Variants in GPC5 observed in about 807,000 individuals in gnomAD.
The protein encoded by GPC5 is glypican 5.
In GPC5, 47 loss-of-function variants were observed where a neutral mutation model predicts 53.9. The observed-to-expected ratio is 0.87, with a 90% CI of 0.69 to 1.11. The LOEUF (loss-of-function observed/expected upper bound fraction) is 1.11. Among genes scored for constraint, GPC5 ranks in the 50% most tolerant of loss-of-function variants. GPC5 has a pLI of 0.00. For missense variants in GPC5, 748 were observed against 713.1 expected (o/e 1.05, Z -0.56); for synonymous variants, 286 against 263.3 (o/e 1.09, Z -0.84).
intron 2 of GPC5, among the ~76,000 whole-genome samples, chr13:91,626,662 T>A (rs893848582): frequency 6.6e-6 from 1 of 151,894 alleles, no homozygotes; most frequent in African/African-American, 2.4e-5. Flanking sequence ...TTTATTTTTT[T>A]ATTTGTTTAT....
intron 2 of GPC5, among the ~76,000 whole-genome samples, chr13:91,452,048 T>A (rs1423665622): frequency 6.6e-6 from 1 of 152,082 alleles, no homozygotes; most frequent in Non-Finnish European, 1.5e-5. Flanking sequence ...AATGGTGTGA[T>A]CACATGGCTC....
intron 7 of GPC5, among the ~76,000 whole-genome samples, chr13:92,347,004 C>G (rs2043418317): frequency 6.6e-6 from 1 of 151,804 alleles, no homozygotes; most frequent in African/African-American, 2.4e-5. Flanking sequence ...AGCCAAAAGA[C>G]AAAAGAATGA....
intron 7 of GPC5, among the ~76,000 whole-genome samples, chr13:92,838,415 G>A (rs1356299487): frequency 6.6e-6 from 1 of 151,398 alleles, no homozygotes; most frequent in Non-Finnish European, 1.5e-5. Context: ...ACCGGTAGTC[G>A]GAGCGTGCAG....
chr13:92,480,652 C>T (rs1302788517), intron 7 of GPC5, among the ~76,000 whole-genome samples: 1 of 151,568 alleles, frequency 6.6e-6, no homozygotes, highest in Non-Finnish European at 1.5e-5. Context: ...TTTACATTCG[C>T]AGACTAAAAA....
chr13:91,603,483 C>T (rs1266247037), intron 2 of GPC5, among the ~76,000 whole-genome samples: 1 of 152,200 alleles, frequency 6.6e-6, no homozygotes, highest in East Asian at 1.9e-4. Context: ...CCATCCTGAT[C>T]TCACAAAATT....
chr13:91,536,846 C>A (rs757730500), intron 2 of GPC5, among the ~76,000 whole-genome samples: 7 of 152,328 alleles, frequency 4.6e-5, no homozygotes, highest in East Asian at 3.9e-4. Context: ...ATATGAAAAT[C>A]ATATGCTCTC....
intron 7 of GPC5, among the ~76,000 whole-genome samples, chr13:92,430,754 G>C (rs1877048328): frequency 1.3e-5 from 2 of 152,102 alleles, no homozygotes; most frequent in South Asian, 2.1e-4. Flanking sequence ...TTCTGAAAGA[G>C]AATACAAGTG....
At chr13:92,038,685 G>T (rs1349981459) in intron 6 of GPC5, among the ~76,000 whole-genome samples, 1 of 139,330 alleles carries the variant, frequency 7.2e-6, no homozygotes, top group African/African-American at 2.5e-5. Flanking sequence ...TAGATAGATA[G>T]ATAGATAGAT....
At chr13:92,777,420 G>A (rs1229498467) in intron 7 of GPC5, among the ~76,000 whole-genome samples, 1 of 151,702 alleles carries the variant, frequency 6.6e-6, no homozygotes, top group East Asian at 1.9e-4. Flanking sequence ...AGATCACGAG[G>A]TCAAGAGATT....
intron 3 of GPC5, among the ~76,000 whole-genome samples, chr13:91,723,477 CA>C (rs111269990): frequency 1.3e-5 from 2 of 148,384 alleles, no homozygotes; most frequent in Non-Finnish European, 1.5e-5. Context: ...TCTCTCCCTC[CA>C]AAAAAAAAAC....
chr13:91,721,862 C>A (rs1161442066), intron 3 of GPC5, among the ~76,000 whole-genome samples: 2 of 152,214 alleles, frequency 1.3e-5, no homozygotes, highest in Admixed American at 6.5e-5. Context: ...CCCACCCCCA[C>A]TCTACCCCAT....
intron 7 of GPC5, among the ~76,000 whole-genome samples, chr13:92,735,704 C>T (rs1888916584): frequency 6.6e-6 from 1 of 152,002 alleles, no homozygotes; most frequent in Non-Finnish European, 1.5e-5. Context: ...CAATTTCTGA[C>T]ATTCATTCCT....
chr13:92,601,246 T>C (rs1288344431), intron 7 of GPC5, among the ~76,000 whole-genome samples: 1 of 152,080 alleles, frequency 6.6e-6, no homozygotes, highest in African/African-American at 2.4e-5. Flanking sequence ...CTTAGAGCAA[T>C]CTTTTGAAGA....
intron 7 of GPC5, among the ~76,000 whole-genome samples, chr13:92,809,765 T>A (rs1489534368): frequency 6.6e-6 from 1 of 152,136 alleles, no homozygotes; most frequent in African/African-American, 2.4e-5. Context: ...GATTTAAGAT[T>A]TTAAATCTTA....
chr13:92,532,051 C>G (rs927105348), intron 7 of GPC5, among the ~76,000 whole-genome samples: 1 of 152,270 alleles, frequency 6.6e-6, no homozygotes, highest in African/African-American at 2.4e-5. Flanking sequence ...CAATTAAAGG[C>G]AGGTGGCTCA....
intron 5 of GPC5, among the ~76,000 whole-genome samples, chr13:91,811,083 T>C (rs778415143): frequency 6.6e-6 from 1 of 152,004 alleles, no homozygotes; most frequent in African/African-American, 2.4e-5. Flanking sequence ...TCGTTAAAAC[T>C]GTCACAACTT....
chr13:91,409,260 A>AG (rs1337868247), intron 1 of GPC5, among the ~76,000 whole-genome samples: 1 of 152,144 alleles, frequency 6.6e-6, no homozygotes, highest in Non-Finnish European at 1.5e-5. Flanking sequence ...ATTTTACTCT[A>AG]GGGGGAAAAA....
At chr13:92,214,763 A>C (rs531386984) in intron 7 of GPC5, among the ~76,000 whole-genome samples, 73 of 152,312 alleles carry the variant, frequency 4.8e-4, no homozygotes, top group African/African-American at 1.7e-3. Flanking sequence ...TAATAATGCT[A>C]ATCAGCTGCC....
Position 92,105,096 on chromosome 13 carries a change from A to AT in GPC5, c.1402-39724dup, listed in dbSNP as rs573060480. Among the ~76,000 whole-genome samples, 703 of 149,584 alleles carry AT rather than the reference A, an allele frequency of 4.7e-3. 2 individuals are homozygous for AT. Among genetic ancestry groups the AT allele is most frequent in the African/African-American group, 0.012 (495 of 40,826 alleles). On this transcript the variant is annotated intron_variant, in intron 6 of 7. Coordinates refer to ENST00000377067, the MANE Select transcript of GPC5 (RefSeq NM_004466.6). The stretch of plus-strand genomic sequence containing the variant: ...TAGGATATTCCTAACTTTTTAATTG[A>AT]TTTTTTTTTTCCTGCAAGGAAAAAA...
Sources: gnomAD v4.1 joint callset for allele counts (sites outside exome capture counted in the v4.1 genomes callset) on GRCh38, gnomAD v4.1.1 for gene constraint, MANE v1.5 for transcripts, NCBI Gene and HGNC (gene_info 2026-07-23, HGNC 2026-07-21) for gene names.